Variants in RAB20 observed in about 807,000 individuals in gnomAD.
RAB20 encodes the protein RAB20, member RAS oncogene family.
In RAB20, 2 loss-of-function variants were observed where a neutral mutation model predicts 3.7. That is an observed-to-expected ratio of 0.54 (90% confidence interval 0.22 to 1.69). The LOEUF (loss-of-function observed/expected upper bound fraction) is 1.69. RAB20 is among the 40% of genes most tolerant of loss of function. The probability of loss-of-function intolerance (pLI) is 0.19; values close to 1 mark genes in which losing one functional copy is unlikely to be tolerated. For missense variants in RAB20, 276 were observed against 311.9 expected (o/e 0.88, Z 0.87); for synonymous variants, 126 against 130.8 (o/e 0.96, Z 0.25).
At chr13:110,554,916 G>GT (rs1399102543) in intron 1 of RAB20, among the ~76,000 whole-genome samples, 18 of 152,044 alleles carry the variant, frequency 1.2e-4, no homozygotes, top group Non-Finnish European at 2.5e-4. Flanking sequence ...CGTACTCTAG[G>GT]TCCTGAGCCA....
intron 1 of RAB20, among the ~76,000 whole-genome samples, chr13:110,538,731 TGGGGACG>T (rs1295854386): frequency 6.6e-6 from 1 of 152,000 alleles, no homozygotes. Flanking sequence ...ACCAGCTCCC[TGGGGACG>T]GCTGTTTCCT....
At chr13:110,561,245 A>G (rs1885123774) in intron 1 of RAB20, 103 bp downstream of exon 1, 1 of 1,374,006 alleles carries the variant, frequency 7.3e-7, no homozygotes, top group East Asian at 2.9e-5. Context: ...TTGCTGTCCG[A>G]GGCCGGGACC....
intron 1 of RAB20, among the ~76,000 whole-genome samples, chr13:110,532,183 T>C (rs1884552955): frequency 6.6e-6 from 1 of 152,168 alleles, no homozygotes; most frequent in South Asian, 2.1e-4. Flanking sequence ...CTGGCATTTG[T>C]ATCAGCTTTA....
chr13:110,537,248 T>G (rs1310061939), intron 1 of RAB20, among the ~76,000 whole-genome samples: 1 of 151,712 alleles, frequency 6.6e-6, no homozygotes, highest in East Asian at 1.9e-4. Flanking sequence ...CCTCCCACAT[T>G]GGCCTCCCAC....
At chr13:110,543,474 T>C (rs1198218579) in intron 1 of RAB20, among the ~76,000 whole-genome samples, 1 of 152,214 alleles carries the variant, frequency 6.6e-6, no homozygotes, top group Non-Finnish European at 1.5e-5. Context: ...TGTTACTCAG[T>C]TGTTTGAGTT....
chr13:110,547,219 G>C (rs1462937008), intron 1 of RAB20, among the ~76,000 whole-genome samples: 2 of 152,226 alleles, frequency 1.3e-5, no homozygotes, highest in Non-Finnish European at 2.9e-5. Flanking sequence ...CAAGGTCAGG[G>C]AAGGGAACGG....
At chr13:110,524,467 C>T (rs1884393639) in intron 1 of RAB20, among the ~76,000 whole-genome samples, 1 of 151,522 alleles carries the variant, frequency 6.6e-6, no homozygotes, top group Non-Finnish European at 1.5e-5. Flanking sequence ...CTCAGGCATT[C>T]ACACAGCCCT....
chr13:110,538,021 T>C (rs1386878926), intron 1 of RAB20, among the ~76,000 whole-genome samples: 6 of 151,906 alleles, frequency 3.9e-5, no homozygotes, highest in Non-Finnish European at 8.8e-5. Flanking sequence ...AGGCGGATCG[T>C]TTCAGCCTAG....
At chr13:110,550,323 TAAC>T (rs1215372961) in intron 1 of RAB20, among the ~76,000 whole-genome samples, 1 of 152,210 alleles carries the variant, frequency 6.6e-6, no homozygotes, top group Non-Finnish European at 1.5e-5. Flanking sequence ...TCCTGTCTAA[TAAC>T]TAGTAAACAA....
chr13:110,551,563 A>T (rs1228304422), intron 1 of RAB20, among the ~76,000 whole-genome samples: 2 of 152,180 alleles, frequency 1.3e-5, no homozygotes, highest in African/African-American at 2.4e-5. Context: ...AGCACCAGGG[A>T]AGCCAGGGTT....
At chr13:110,532,734 A>C (rs1261566074) in intron 1 of RAB20, among the ~76,000 whole-genome samples, 2 of 152,224 alleles carry the variant, frequency 1.3e-5, no homozygotes, top group Non-Finnish European at 2.9e-5. Context: ...GCTGAAGTGC[A>C]GTGGTACGAT....
chr13:110,523,275 C>A lies in RAB20; in HGVS notation c.*390G>T. 2.4e-6 allele frequency: 1 copy of A among 420,392 alleles called. No individual in the cohort carries two copies. Among genetic ancestry groups the A allele is most frequent in the Non-Finnish European group, 4.2e-6 (1 of 238,712 alleles). 26.0% of individuals were successfully genotyped at this position (420,392 alleles called of 1,614,324 possible). On this transcript the variant is annotated 3_prime_UTR_variant, in exon 2 of 2. Coordinates refer to ENST00000267328, the MANE Select transcript of RAB20 (RefSeq NM_017817.3). ...AACAAGAAATGTCAGAGTTGTAGGA[C>A]GTGGTAACAACCCAGGGTGCTGAAA...
intron 1 of RAB20, among the ~76,000 whole-genome samples, chr13:110,543,452 T>C (rs1884800720): frequency 6.6e-6 from 1 of 152,224 alleles, no homozygotes; most frequent in Admixed American, 6.5e-5. Context: ...TTGTTTAATC[T>C]GGTTGTTTTC....
chr13:110,525,482 GGGCCC>G (rs1303369408), intron 1 of RAB20, among the ~76,000 whole-genome samples: 1 of 152,196 alleles, frequency 6.6e-6, no homozygotes, highest in Non-Finnish European at 1.5e-5. Flanking sequence ...ATCCCCAAGG[GGGCCC>G]GCTCACCTCC....
intron 1 of RAB20, among the ~76,000 whole-genome samples, chr13:110,524,553 T>G (rs1172344581): frequency 1.3e-5 from 2 of 151,968 alleles, no homozygotes; most frequent in Admixed American, 6.5e-5. Context: ...CAAGAACTGA[T>G]GTCCAGAAAA....
At chr13:110,534,248 C>T (rs532291895) in intron 1 of RAB20, among the ~76,000 whole-genome samples, 1 of 152,336 alleles carries the variant, frequency 6.6e-6, no homozygotes, top group South Asian at 2.1e-4. Context: ...AGCAACAAAG[C>T]AACCTTGCCT....
At chr13:110,536,738 G>GGGGGGT (rs1884647744) in intron 1 of RAB20, among the ~76,000 whole-genome samples, 1 of 101,046 alleles carries the variant, frequency 9.9e-6, no homozygotes, top group Non-Finnish European at 1.9e-5. Context: ...GTGGGGGGGG[G>GGGGGGT]TTGTTTTTAT....
At chr13:110,545,017 T>C (rs1884828789) in intron 1 of RAB20, among the ~76,000 whole-genome samples, 1 of 152,236 alleles carries the variant, frequency 6.6e-6, no homozygotes, top group Admixed American at 6.5e-5. Flanking sequence ...CCTCATTTTC[T>C]CTTGCCGCCA....
At chr13:110,543,311 T>G (rs903274540) in intron 1 of RAB20, among the ~76,000 whole-genome samples, 6 of 152,086 alleles carry the variant, frequency 3.9e-5, no homozygotes, top group African/African-American at 1.2e-4. Flanking sequence ...CTTATTTTTT[T>G]GTAGAGACAG....
Sources: gnomAD v4.1 joint callset for allele counts (sites outside exome capture counted in the v4.1 genomes callset) on GRCh38, gnomAD v4.1.1 for gene constraint, MANE v1.5 for transcripts, NCBI Gene and HGNC (gene_info 2026-07-23, HGNC 2026-07-21) for gene names.